Variants in MYH11 observed in about 807,000 individuals in gnomAD.
The protein encoded by MYH11 is myosin-11.
A neutral mutation model predicts 246.6 loss-of-function variants in MYH11; 80 were observed. That is an observed-to-expected ratio of 0.32 (90% CI 0.27 to 0.39). The LOEUF (loss-of-function observed/expected upper bound fraction) is 0.39. Among genes scored for constraint, MYH11 ranks in the 10% least tolerant of loss-of-function variants. MYH11 has a pLI of 1.00. For synonymous variants in MYH11, 1,071 were observed against 1,015.5 expected (o/e 1.05, Z -1.04); for missense variants, 2,158 against 2,546.8 (o/e 0.85, Z 3.29).
At chr16:15,848,562 G>A (rs2044257150) in intron 1 of MYH11, among the ~76,000 whole-genome samples, 1 of 152,028 alleles carries the variant, frequency 6.6e-6, no homozygotes, top group Admixed American at 6.6e-5. Flanking sequence ...CTCTTGGGCT[G>A]CGTCATTCTG....
At chr16:15,766,344 G>GGGGT (rs1555564406) in intron 9 of MYH11, among the ~76,000 whole-genome samples, 3 of 136,688 alleles carry the variant, frequency 2.2e-5, no homozygotes, top group Admixed American at 7.3e-5. Flanking sequence ...CATGTTTTTT[G>GGGGT]GTGTGTGTGT....
chr16:15,719,441 TAGA>T, intron 35 of MYH11, 133 bp from the exon 36 acceptor site: 1 of 1,475,960 alleles, frequency 6.8e-7, no homozygotes, highest in Non-Finnish European at 9.4e-7. Flanking sequence ...CGTGAATACA[TAGA>T]GGAGGGAAGC....
chr16:15,744,088 G>C (rs886614855), intron 20 of MYH11, among the ~76,000 whole-genome samples: 2 of 151,464 alleles, frequency 1.3e-5, no homozygotes, highest in African/African-American at 4.9e-5. Context: ...CTGGGTAACA[G>C]AGTGAGACTC....
chr16:15,772,483 G>C (rs1275900047), intron 8 of MYH11, among the ~76,000 whole-genome samples: 2 of 152,088 alleles, frequency 1.3e-5, no homozygotes, highest in African/African-American at 2.4e-5. Context: ...ATGAAAAATA[G>C]CATTCTCCTG....
Position 15,735,625 on chromosome 16 carries a change from T to G in MYH11, c.3294-47A>C, listed in dbSNP as rs773815616. On this transcript the variant is annotated intron_variant, in intron 25 of 40. Coordinates refer to ENST00000300036, the MANE Select transcript of MYH11 (RefSeq NM_002474.3). The stretch of plus-strand genomic sequence containing the variant: ...GAATGAACCCCCAGGTCCCTTGGTT[T>G]CCTCTCTTACAATGTGGCCAAAAAC... The G allele has an allele frequency of 3.1e-6, 5 of 1,607,750 alleles. No individual in the cohort carries two copies. In the East Asian group the frequency reaches 8.9e-5, roughly 29 times the overall value.
chr16:15,784,873 C>A, intron 5 of MYH11: 2 of 775,122 alleles, frequency 2.6e-6, no homozygotes, highest in Non-Finnish European at 4.3e-6. Flanking sequence ...TGTTTCTTTT[C>A]TCTCTGTTTA....
intron 4 of MYH11, among the ~76,000 whole-genome samples, chr16:15,788,077 C>CTTTTTTTTTTTTTTTTTTTTTTTT (rs1555569336): frequency 0.011 from 634 of 55,294 alleles, 112 homozygotes; most frequent in Non-Finnish European, 0.017. Flanking sequence ...GAAGGTAGAT[C>CTTTTTTTTTTTTTTTTTTTTTTTT]TTTTTTTTTT....
chr16:15,827,009 A>G (rs2043588427), intron 2 of MYH11, among the ~76,000 whole-genome samples: 1 of 151,292 alleles, frequency 6.6e-6, no homozygotes, highest in South Asian at 2.1e-4. Context: ...AAAAAAAAAA[A>G]AAAAAAAAAA....
intron 3 of MYH11, among the ~76,000 whole-genome samples, chr16:15,817,670 G>A (rs538771125): frequency 6.6e-6 from 1 of 152,250 alleles, no homozygotes; most frequent in African/African-American, 2.4e-5. Context: ...CTCTTAGAAA[G>A]TCCCTCCCAT....
Position 15,856,790 on chromosome 16 carries a change from G to A in MYH11, c.-18+151C>T, listed in dbSNP as rs3851706. Among the ~76,000 whole-genome samples, 39,155 of 151,864 alleles carry A rather than the reference G, an allele frequency of 0.26. 5,728 individuals carry two copies. Among genetic ancestry groups the A allele is most frequent in the East Asian group, 0.6 (3,082 of 5,156 alleles). On this transcript the variant is annotated intron_variant, in intron 1 of 40. Transcript: ENST00000300036. Reference sequence around the variant, plus strand: ...AATCTAAGACGATAAGGCAGAGAGAGATCCAAATCACAACTCTGCCCCCAC... The same window carrying A: ...AATCTAAGACGATAAGGCAGAGAGAAATCCAAATCACAACTCTGCCCCCAC...
intron 2 of MYH11, among the ~76,000 whole-genome samples, chr16:15,827,213 A>G (rs2043594429): frequency 6.6e-6 from 1 of 152,138 alleles, no homozygotes; most frequent in South Asian, 2.1e-4. Context: ...TCAGAGGGGG[A>G]GACAAGTACA....
At chr16:15,791,313 C>T (rs140100560) in intron 4 of MYH11, 14 of 152,272 alleles carry the variant, frequency 9.2e-5, no homozygotes, top group Admixed American at 5.2e-4. Context: ...CTCCCAGGGT[C>T]GAATATTGCC....
intron 31 of MYH11, among the ~76,000 whole-genome samples, chr16:15,723,253 T>C (rs2040577506): frequency 6.6e-6 from 1 of 152,148 alleles, no homozygotes; most frequent in East Asian, 1.9e-4. Flanking sequence ...CTAATTAATA[T>C]GCAATGTTGA....
intron 3 of MYH11, 100 bp from the exon 4 acceptor site, chr16:15,798,787 C>A: frequency 7.9e-7 from 1 of 1,261,226 alleles, no homozygotes. Flanking sequence ...TCTAAAGCTT[C>A]TCCATGCTGG....
intron 31 of MYH11, 110 bp downstream of exon 31, chr16:15,724,051 G>T: frequency 3.9e-6 from 6 of 1,545,106 alleles, no homozygotes; most frequent in African/African-American, 1.4e-5. Context: ...GCTCCCCACA[G>T]AGTGGAGAGG....
intron 3 of MYH11, among the ~76,000 whole-genome samples, chr16:15,814,370 T>C (rs2043210274): frequency 6.6e-6 from 1 of 151,432 alleles, no homozygotes; most frequent in Non-Finnish European, 1.5e-5. Flanking sequence ...CTGACCAACA[T>C]GGTTGAACCC....
At chr16:15,841,583 G>A (rs940993917) in intron 1 of MYH11, among the ~76,000 whole-genome samples, 1 of 152,214 alleles carries the variant, frequency 6.6e-6, no homozygotes, top group African/African-American at 2.4e-5. Context: ...GTCATTAAAT[G>A]TCCTGTCTAC....
chr16:15,733,920 C>T (rs541955079), intron 26 of MYH11, among the ~76,000 whole-genome samples: 137 of 152,346 alleles, frequency 9.0e-4, no homozygotes, highest in Non-Finnish European at 1.5e-3. Context: ...TGTGACACTG[C>T]ACAAAACCCA....
chr16:15,727,835 G>C (rs544613443), intron 27 of MYH11, among the ~76,000 whole-genome samples: 2 of 151,992 alleles, frequency 1.3e-5, no homozygotes, highest in African/African-American at 2.4e-5. Context: ...AGCTGGGTGT[G>C]GGGGGCACAC....
Sources: allele counts gnomAD v4.1 joint callset (sites outside exome capture counted in the v4.1 genomes callset), GRCh38; gene constraint gnomAD v4.1.1; transcripts MANE v1.5; gene names NCBI Gene and HGNC (gene_info 2026-07-23, HGNC 2026-07-21).